The following CSMD1 variants were observed in gnomAD, a reference collection of about 807,000 sequenced individuals.
CSMD1 encodes CUB and sushi domain-containing protein 1.
A neutral mutation model predicts 417.5 loss-of-function variants in CSMD1; 213 were observed. The observed-to-expected ratio is 0.51, with a 90% CI of 0.46 to 0.57. The LOEUF (loss-of-function observed/expected upper bound fraction) is 0.57. CSMD1 is among the 20% of genes least tolerant of loss of function. CSMD1 has a pLI of 0.00. For synonymous variants in CSMD1, 2,862 were observed against 1,736.8 expected, an observed-to-expected ratio of 1.65 and a Z score of -16.11; for missense variants, 6,923 against 4,529.7, an observed-to-expected ratio of 1.53 and a Z score of -15.17.
intron 1 of CSMD1, among the ~76,000 whole-genome samples, chr8:4,676,858 G>C (rs914443254): frequency 6.7e-6 from 1 of 150,104 alleles, no homozygotes; most frequent in Admixed American, 6.7e-5. Context: ...TATATATTGA[G>C]AGAGAGATAT....
At chr8:4,440,461 C>A (rs540873987) in intron 2 of CSMD1, among the ~76,000 whole-genome samples, 1 of 152,210 alleles carries the variant, frequency 6.6e-6, no homozygotes, top group Admixed American at 6.5e-5. Context: ...CATCTTGTTA[C>A]TCACAAAAAA....
intron 41 of CSMD1, among the ~76,000 whole-genome samples, chr8:3,120,099 T>G (rs1817110185): frequency 6.6e-6 from 1 of 152,142 alleles, no homozygotes; most frequent in Non-Finnish European, 1.5e-5. Flanking sequence ...AGTATATTAT[T>G]ATGACAGGTG....
chr8:4,926,827 G>C (rs998895309), intron 1 of CSMD1, among the ~76,000 whole-genome samples: 11 of 152,094 alleles, frequency 7.2e-5, no homozygotes, highest in Middle Eastern at 3.4e-3. Flanking sequence ...TATCTACCTA[G>C]AACTCCTCCC....
At chr8:4,022,212 G>C (rs1207414211) in intron 4 of CSMD1, among the ~76,000 whole-genome samples, 1 of 146,156 alleles carries the variant, frequency 6.8e-6, no homozygotes, top group South Asian at 2.1e-4. Flanking sequence ...CAATAGCATT[G>C]TTATTGGTAA....
intron 41 of CSMD1, among the ~76,000 whole-genome samples, chr8:3,120,908 T>G (rs1817167163): frequency 6.6e-6 from 1 of 152,166 alleles, no homozygotes; most frequent in African/African-American, 2.4e-5. Context: ...GATGGCAACA[T>G]TATTTGCCAC....
intron 37 of CSMD1, among the ~76,000 whole-genome samples, chr8:3,165,582 C>A (rs1247897210): frequency 3.3e-5 from 5 of 152,014 alleles, no homozygotes; most frequent in Non-Finnish European, 5.9e-5. Flanking sequence ...CAGGTGCCCG[C>A]CACCACGCCC....
intron 1 of CSMD1, among the ~76,000 whole-genome samples, chr8:4,641,722 A>G (rs1803203795): frequency 6.6e-6 from 1 of 152,218 alleles, no homozygotes; most frequent in Non-Finnish European, 1.5e-5. Context: ...ATCGAGTCAT[A>G]ACATATATCA....
intron 30 of CSMD1, among the ~76,000 whole-genome samples, chr8:3,213,546 G>A (rs1386794740): frequency 2.0e-5 from 3 of 151,988 alleles, no homozygotes; most frequent in Admixed American, 6.6e-5. Context: ...CTGATTCAAC[G>A]ATTTTACTAA....
At chr8:4,922,139 A>G (rs1256437285) in intron 1 of CSMD1, among the ~76,000 whole-genome samples, 1 of 152,098 alleles carries the variant, frequency 6.6e-6, no homozygotes, top group Non-Finnish European at 1.5e-5. Context: ...CCTTGCAGGT[A>G]TCTCCCACCA....
intron 33 of CSMD1, among the ~76,000 whole-genome samples, chr8:3,196,482 G>C (rs1796709434): frequency 6.6e-6 from 1 of 152,122 alleles, no homozygotes; most frequent in Non-Finnish European, 1.5e-5. Context: ...CGAGATCCAA[G>C]AACCTCTCTT....
intron 2 of CSMD1, among the ~76,000 whole-genome samples, chr8:4,592,718 G>C (rs1205273698): frequency 3.3e-5 from 5 of 152,028 alleles, no homozygotes; most frequent in African/African-American, 1.2e-4. Flanking sequence ...CATTTATAAA[G>C]CTCAATCCAA....
chr8:4,260,644 T>C (rs992005386), intron 3 of CSMD1, among the ~76,000 whole-genome samples: 8 of 152,204 alleles, frequency 5.3e-5, no homozygotes, highest in South Asian at 2.1e-4. Context: ...TAAGTCCTTG[T>C]AATTGATTTT....
At chr8:4,311,332 C>A (rs780042269) in intron 3 of CSMD1, among the ~76,000 whole-genome samples, 1 of 152,126 alleles carries the variant, frequency 6.6e-6, no homozygotes, top group Non-Finnish European at 1.5e-5. Context: ...AAAAGGAATG[C>A]GATCAAGTCC....
intron 1 of CSMD1, among the ~76,000 whole-genome samples, chr8:4,824,669 C>A (rs1799716507): frequency 6.6e-6 from 1 of 152,122 alleles, no homozygotes; most frequent in African/African-American, 2.4e-5. Context: ...ACGAAAGTGA[C>A]AATTTTTGCG....
At chr8:4,660,838 G>A (rs1284351542) in intron 1 of CSMD1, among the ~76,000 whole-genome samples, 1 of 151,778 alleles carries the variant, frequency 6.6e-6, no homozygotes, top group Non-Finnish European at 1.5e-5. Flanking sequence ...CTGAAGATAG[G>A]CAGATGGCAA....
chr8:3,742,039 C>T (rs376531250), intron 6 of CSMD1, among the ~76,000 whole-genome samples: 6 of 149,216 alleles, frequency 4.0e-5, no homozygotes, highest in African/African-American at 1.5e-4. Context: ...TCCTTTTCTT[C>T]CCAGCTTCAC....
At chr8:2,961,790 C>T (rs1297584779) in intron 61 of CSMD1, among the ~76,000 whole-genome samples, 2 of 152,154 alleles carry the variant, frequency 1.3e-5, no homozygotes, top group East Asian at 1.9e-4. Context: ...AAACAGATAA[C>T]TTCTTAAAAC....
intron 3 of CSMD1, among the ~76,000 whole-genome samples, chr8:4,236,521 G>A (rs1367018796): frequency 6.6e-6 from 1 of 152,120 alleles, no homozygotes; most frequent in Non-Finnish European, 1.5e-5. Context: ...GCTCAAAAAA[G>A]TTAGCGAGAT....
intron 1 of CSMD1, among the ~76,000 whole-genome samples, chr8:4,969,138 A>T (rs1426911155): frequency 1.3e-5 from 2 of 152,046 alleles, no homozygotes; most frequent in Non-Finnish European, 2.9e-5. Flanking sequence ...TATGTACCTT[A>T]TTGTACTTTA....
Sources: allele counts gnomAD v4.1 joint callset (sites outside exome capture counted in the v4.1 genomes callset), GRCh38; gene constraint gnomAD v4.1.1; transcripts MANE v1.5; gene names NCBI Gene and HGNC (gene_info 2026-07-23, HGNC 2026-07-21).